The following CXADR variants were observed in gnomAD, a reference collection of about 807,000 sequenced individuals.
The protein encoded by CXADR is coxsackievirus and adenovirus receptor.
A neutral mutation model predicts 40.3 loss-of-function variants in CXADR; 20 were observed. The ratio of observed to expected loss-of-function variants is 0.50; its 90% CI spans 0.35 to 0.72. CXADR has a LOEUF of 0.72. Ranked by LOEUF, CXADR falls within the 30% of genes least tolerant of loss-of-function variation. The probability of loss-of-function intolerance (pLI) is 0.01; values close to 1 mark genes in which losing one functional copy is unlikely to be tolerated. For missense variants in CXADR, 332 were observed against 449.1 expected, an observed-to-expected ratio of 0.74 and a Z score of 2.36; for synonymous variants, 150 against 161.3, an observed-to-expected ratio of 0.93 and a Z score of 0.53.
intron 3 of CXADR, among the ~76,000 whole-genome samples, chr21:17,557,118 A>G (rs1237973364): frequency 6.6e-6 from 1 of 152,238 alleles, no homozygotes; most frequent in Non-Finnish European, 1.5e-5. Flanking sequence ...TGAAAAAATG[A>G]AAATCAGCTT....
rs2061248395 is a variant in CXADR, at chr21:17,568,783, C to T, written c.*3091C>T. On this transcript the variant is annotated 3_prime_UTR_variant, in exon 7 of 7. Coordinates refer to ENST00000284878, the MANE Select transcript of CXADR (RefSeq NM_001338.5). ...ATGATTCCCTTGTTAGAGAGCCTCT[C>T]ACTCCCCCACCCCCAAAAATGTCTA... is the stretch of plus-strand genomic sequence containing the variant. 1.5e-5 allele frequency: 15 copies of T among 985,080 alleles called. No individual in the cohort carries two copies. The highest frequency in any genetic ancestry group is 7.0e-5 in the African/African-American group (4 of 57,218). The allele number at this position is 985,080 out of a possible 1,614,324, so 61.0% of individuals were successfully genotyped here.
intron 1 of CXADR, among the ~76,000 whole-genome samples, chr21:17,527,588 T>TA (rs2060612449): frequency 6.6e-6 from 1 of 152,092 alleles, no homozygotes; most frequent in East Asian, 1.9e-4. Context: ...GTCAGACAAT[T>TA]ATTCGTGCAG....
At chr21:17,527,406 T>C (rs2060610273) in intron 1 of CXADR, among the ~76,000 whole-genome samples, 1 of 152,228 alleles carries the variant, frequency 6.6e-6, no homozygotes, top group Admixed American at 6.5e-5. Flanking sequence ...TGATTTTCCA[T>C]TGTAAATTTG....
downstream of CXADR, among the ~76,000 whole-genome samples, chr21:17,596,523 C>T (rs1289040785): frequency 1.3e-5 from 2 of 151,904 alleles, no homozygotes; most frequent in East Asian, 3.9e-4. Flanking sequence ...CCAGTTGTTT[C>T]AGCACAAGTT....
At chr21:17,609,819 C>A in the CXADR span, among the ~76,000 whole-genome samples, 7 of 152,064 alleles carry the variant, frequency 4.6e-5, no homozygotes, top group African/African-American at 7.2e-5. Context: ...GAATATTATT[C>A]AGCAATGAAA....
chr21:17,599,417 A>C, the CXADR span, among the ~76,000 whole-genome samples: 12,641 of 150,890 alleles, frequency 0.084, 632 homozygotes, highest in African/African-American at 0.12. Flanking sequence ...TAGGCTCAAG[A>C]GATCCACCCA....
downstream of CXADR, chr21:17,598,501 A>G (rs1174728953): frequency 2.4e-6 from 2 of 838,932 alleles, no homozygotes; most frequent in Non-Finnish European, 3.6e-6. Context: ...GGGAAAGGCA[A>G]GAACTATTAT....
downstream of CXADR, among the ~76,000 whole-genome samples, chr21:17,596,598 G>C (rs1047407275): frequency 1.3e-5 from 2 of 151,986 alleles, no homozygotes; most frequent in African/African-American, 4.8e-5. Flanking sequence ...AAGACTAACT[G>C]TATGTATGTG....
At chr21:17,548,770 C>T (rs541910855) in intron 2 of CXADR, among the ~76,000 whole-genome samples, 2 of 152,360 alleles carry the variant, frequency 1.3e-5, no homozygotes, top group East Asian at 3.9e-4. Context: ...TCCAAGTCGT[C>T]CATGCTGAGT....
At chr21:17,540,425 T>C (rs983332392) in intron 1 of CXADR, among the ~76,000 whole-genome samples, 6 of 152,146 alleles carry the variant, frequency 3.9e-5, no homozygotes, top group African/African-American at 1.2e-4. Flanking sequence ...TGCTGTTGGG[T>C]GAATGGAACC....
chr21:17,534,789 C>CTTTTTTTTTTTTTTTTTT (rs11427595), intron 1 of CXADR, among the ~76,000 whole-genome samples: 3 of 131,930 alleles, frequency 2.3e-5, no homozygotes, highest in East Asian at 2.4e-4. Flanking sequence ...TATTTTCTTC[C>CTTTTTTTTTTTTTTTTTT]TTTTTTTTTT....
chr21:17,539,161 A>G (rs1002195321), intron 1 of CXADR, among the ~76,000 whole-genome samples: 2 of 152,174 alleles, frequency 1.3e-5, no homozygotes, highest in African/African-American at 4.8e-5. Flanking sequence ...TCACTGAGAT[A>G]AGGAGTTCAA....
At chr21:17,619,284 T>C in the CXADR span, among the ~76,000 whole-genome samples, 7 of 151,998 alleles carry the variant, frequency 4.6e-5, no homozygotes, top group Non-Finnish European at 1.0e-4. Flanking sequence ...CTTTGGAAAG[T>C]TGAGGTGGGT....
rs568011062 is a variant in CXADR at position 17,518,166 on chromosome 21, G to A, written c.43+4994G>A. On this transcript the variant is annotated intron_variant, in intron 1 of 6. Transcript: ENST00000284878. Reference sequence around the variant, plus strand: ...GATTTTTTTTATTTCTACTGGGGAGGGAGGAGGATAAATAGAACTGTTTTC... The same window carrying A: ...GATTTTTTTTATTTCTACTGGGGAGAGAGGAGGATAAATAGAACTGTTTTC... Among the ~76,000 whole-genome samples the A allele has an allele frequency of 1.5e-3, 224 of 152,122 alleles. 1 individual carries two copies. Among genetic ancestry groups the A allele is most frequent in the African/African-American group, 5.3e-3 (219 of 41,482 alleles).
the CXADR span, chr21:17,598,921 A>C: frequency 1.1e-6 from 1 of 912,282 alleles, no homozygotes; most frequent in African/African-American, 1.7e-5. Context: ...CCATCAATAC[A>C]AGGCAAAGAT....
At chr21:17,522,114 T>A (rs1338751203) in intron 1 of CXADR, among the ~76,000 whole-genome samples, 1 of 152,056 alleles carries the variant, frequency 6.6e-6, no homozygotes, top group Non-Finnish European at 1.5e-5. Flanking sequence ...CTCAAGTAGC[T>A]GGGACTACAG....
intron 1 of CXADR, among the ~76,000 whole-genome samples, chr21:17,546,711 T>C (rs1274022202): frequency 6.6e-6 from 1 of 152,176 alleles, no homozygotes; most frequent in Non-Finnish European, 1.5e-5. Flanking sequence ...TTTCAGAGAT[T>C]CTAGCCAAAT....
the CXADR span, chr21:17,611,920 G>A: frequency 1.3e-5 from 2 of 152,236 alleles, no homozygotes; most frequent in East Asian, 3.8e-4. Context: ...ACGTTCCCAA[G>A]GTGGAGGGCG....
At chr21:17,589,137 C>T (rs1227621594) in intron 7 of CXADR, among the ~76,000 whole-genome samples, 1 of 151,932 alleles carries the variant, frequency 6.6e-6, no homozygotes, top group African/African-American at 2.4e-5. Context: ...ACATTTTTCT[C>T]ATGAATATTA....
Sources: allele counts gnomAD v4.1 joint callset (sites outside exome capture counted in the v4.1 genomes callset), GRCh38; gene constraint gnomAD v4.1.1; transcripts MANE v1.5; gene names NCBI Gene and HGNC (gene_info 2026-07-23, HGNC 2026-07-21).